SORCS3: variants seen among roughly 807,000 people sequenced by gnomAD.
The protein encoded by SORCS3 is VPS10 domain-containing receptor SorCS3.
A neutral mutation model predicts 146.3 loss-of-function variants in SORCS3; 57 were observed. The observed-to-expected ratio is 0.39, with a 90% confidence interval of 0.31 to 0.49. The LOEUF is 0.49. Among genes scored for constraint, SORCS3 ranks in the 20% least tolerant of loss-of-function variants. SORCS3 has a pLI of 0.92. For synonymous variants in SORCS3, 653 were observed against 618.5 expected, an observed-to-expected ratio of 1.06 and a Z score of -0.83; for missense variants, 1,341 against 1,575.5, an observed-to-expected ratio of 0.85 and a Z score of 2.52.
intron 1 of SORCS3, among the ~76,000 whole-genome samples, chr10:104,785,110 G>A (rs915579843): frequency 2.0e-5 from 3 of 152,296 alleles, no homozygotes; most frequent in Non-Finnish European, 4.4e-5. Context: ...TGGACGGGGC[G>A]GCTGCAATGG....
intron 1 of SORCS3, among the ~76,000 whole-genome samples, chr10:104,773,489 A>G (rs2017274972): frequency 6.6e-6 from 1 of 152,220 alleles, no homozygotes; most frequent in Non-Finnish European, 1.5e-5. Flanking sequence ...GGTAAATGCT[A>G]TAAATCTGGG....
At chr10:105,115,471 T>G (rs1468007217) in intron 7 of SORCS3, among the ~76,000 whole-genome samples, 1 of 152,184 alleles carries the variant, frequency 6.6e-6, no homozygotes, top group East Asian at 1.9e-4. Flanking sequence ...TCCAAATTCG[T>G]TTTTAAATTA....
chr10:104,758,828 G>A (rs767343830), intron 1 of SORCS3, among the ~76,000 whole-genome samples: 2 of 152,076 alleles, frequency 1.3e-5, no homozygotes, highest in Non-Finnish European at 2.9e-5. Flanking sequence ...TTTAGCGGCC[G>A]GACAGGGCTG....
chr10:104,825,739 G>C (rs978988569), intron 1 of SORCS3, among the ~76,000 whole-genome samples: 1 of 152,254 alleles, frequency 6.6e-6, no homozygotes, highest in Non-Finnish European at 1.5e-5. Context: ...CCCCACCCCT[G>C]TTGCTGCGCT....
At chr10:104,861,803 C>T (rs2018406776) in intron 2 of SORCS3, among the ~76,000 whole-genome samples, 1 of 152,188 alleles carries the variant, frequency 6.6e-6, no homozygotes, top group Non-Finnish European at 1.5e-5. Context: ...AAATGTCCCA[C>T]CGTCCTGGAG....
At chr10:104,908,492 C>T (rs1193783293) in intron 2 of SORCS3, among the ~76,000 whole-genome samples, 1 of 152,164 alleles carries the variant, frequency 6.6e-6, no homozygotes, top group Non-Finnish European at 1.5e-5. Flanking sequence ...TTCATTGAAT[C>T]TGAATAACAA....
chr10:104,883,981 G>T (rs550078323), intron 2 of SORCS3, among the ~76,000 whole-genome samples: 2 of 151,750 alleles, frequency 1.3e-5, no homozygotes, highest in East Asian at 1.9e-4. Context: ...GGAATGAGGG[G>T]GGGGAAAGGG....
chr10:105,129,602 C>G (rs2056003109), intron 7 of SORCS3, among the ~76,000 whole-genome samples: 1 of 151,654 alleles, frequency 6.6e-6, no homozygotes, highest in African/African-American at 2.4e-5. Context: ...AATGATAATT[C>G]AAGTTCGTAT....
intron 5 of SORCS3, among the ~76,000 whole-genome samples, chr10:105,060,758 A>G (rs958986291): frequency 5.9e-5 from 9 of 152,020 alleles, no homozygotes; most frequent in Non-Finnish European, 1.3e-4. Flanking sequence ...ACCAACATGG[A>G]GAAACCCCGT....
intron 7 of SORCS3, among the ~76,000 whole-genome samples, chr10:105,129,662 T>TACACACACACACACACACAC (rs71022754): frequency 6.8e-6 from 1 of 147,918 alleles, no homozygotes; most frequent in Admixed American, 6.8e-5. Context: ...CCCACTCAAA[T>TACACACACACACACACACAC]ACACACACAC....
At chr10:104,842,691 T>C (rs1413219993) in intron 1 of SORCS3, 101 bp from the exon 2 acceptor site, 7 of 858,846 alleles carry the variant, frequency 8.2e-6, no homozygotes, top group African/African-American at 3.3e-5. Flanking sequence ...CTCCTCTGGG[T>C]GATAGGAGAT....
intron 11 of SORCS3, among the ~76,000 whole-genome samples, chr10:105,163,207 G>A (rs1166102974): frequency 1.3e-5 from 2 of 152,178 alleles, no homozygotes; most frequent in East Asian, 3.9e-4. Flanking sequence ...AGCTTGACAA[G>A]CTGTAGCCTG....
chr10:104,890,266 C>T (rs931857832), intron 2 of SORCS3, among the ~76,000 whole-genome samples: 1 of 152,134 alleles, frequency 6.6e-6, no homozygotes, highest in Admixed American at 6.5e-5. Context: ...CCCACCCCCA[C>T]ACCTCCTTCT....
At chr10:104,892,412 A>G (rs2018757733) in intron 2 of SORCS3, among the ~76,000 whole-genome samples, 1 of 152,186 alleles carries the variant, frequency 6.6e-6, no homozygotes. Context: ...CTACAGGTAA[A>G]GGCAAAGGCC....
chr10:104,807,463 A>G (rs1412615403), intron 1 of SORCS3, among the ~76,000 whole-genome samples: 37 of 152,156 alleles, frequency 2.4e-4, no homozygotes, highest in Admixed American at 2.4e-3. Flanking sequence ...AAACCTCTAA[A>G]TTTAAGACAA....
chr10:105,221,388 A>G (rs926014378), intron 19 of SORCS3, among the ~76,000 whole-genome samples: 2 of 152,226 alleles, frequency 1.3e-5, no homozygotes, highest in Admixed American at 6.5e-5. Flanking sequence ...CAGTGATGGC[A>G]GTGGTGGTGG....
Position 104,887,968 on chromosome 10 carries a change from G to GA in SORCS3, c.696-27865_696-27864insA, listed in dbSNP as rs1564706333. ...AGCAACATGGTGGGGGCGGGGGGGCGGGGGCGGAGCAAGCCCATGAAGACA... is the reference window on the plus strand; with the variant it reads ...AGCAACATGGTGGGGGCGGGGGGGCGAGGGGCGGAGCAAGCCCATGAAGACA... On this transcript the variant is annotated intron_variant, in intron 2 of 26. Transcript: ENST00000369701. 3.1e-3 allele frequency among the ~76,000 whole-genome samples: 369 copies of GA among 120,216 alleles called. 44 individuals carry two copies. Among genetic ancestry groups the GA allele is most frequent in the African/African-American group, 0.012 (354 of 29,478 alleles). 78.9% of individuals were successfully genotyped at this position (120,216 alleles called of 152,430 possible). A position where few individuals can be genotyped will look rare whatever the true frequency, so the allele number is the denominator to read the frequency against.
intron 1 of SORCS3, among the ~76,000 whole-genome samples, chr10:104,772,682 A>G (rs1288052318): frequency 6.6e-6 from 1 of 152,142 alleles, no homozygotes; most frequent in African/African-American, 2.4e-5. Flanking sequence ...CTTTGCCATC[A>G]CAGTACCTTT....
At chr10:104,746,796 A>G (rs140216428) in intron 1 of SORCS3, among the ~76,000 whole-genome samples, 214 of 152,348 alleles carry the variant, frequency 1.4e-3, no homozygotes, top group African/African-American at 5.0e-3. Flanking sequence ...TTCACTTAGC[A>G]TAATGTCCTT....
Sources: gnomAD v4.1 joint callset for allele counts (sites outside exome capture counted in the v4.1 genomes callset) on GRCh38, gnomAD v4.1.1 for gene constraint, MANE v1.5 for transcripts, NCBI Gene and HGNC (gene_info 2026-07-23, HGNC 2026-07-21) for gene names.